Variants in POU6F2 observed in about 807,000 individuals in gnomAD.
POU6F2 encodes the protein POU domain, class 6, transcription factor 2.
In POU6F2, 31 loss-of-function variants were observed where a neutral mutation model predicts 71.3. That is an observed-to-expected ratio of 0.43 (90% CI 0.33 to 0.59). The LOEUF (loss-of-function observed/expected upper bound fraction) is 0.59, where lower values mean the gene tolerates loss of function less well. Ranked by LOEUF, POU6F2 falls within the 20% of genes least tolerant of loss-of-function variation. The pLI is 0.04. For missense variants in POU6F2, 783 were observed against 856.8 expected (o/e 0.91, Z 1.07); for synonymous variants, 347 against 355.7 (o/e 0.98, Z 0.27).
intron 2 of POU6F2, among the ~76,000 whole-genome samples, chr7:39,186,469 C>G (rs965583146): frequency 3.9e-5 from 6 of 152,106 alleles, no homozygotes; most frequent in African/African-American, 1.4e-4. Context: ...CCACCTATAT[C>G]TACATGTGTG....
chr7:39,338,842 CT>C (rs1221971392), intron 4 of POU6F2, among the ~76,000 whole-genome samples: 1 of 150,566 alleles, frequency 6.6e-6, no homozygotes, highest in Admixed American at 6.6e-5. Flanking sequence ...TGCTAAGACA[CT>C]TTCTCCCACC....
intron 1 of POU6F2, among the ~76,000 whole-genome samples, chr7:38,985,144 C>T (rs541709762): frequency 6.6e-6 from 1 of 152,146 alleles, no homozygotes; most frequent in East Asian, 1.9e-4. Flanking sequence ...ATTGGAAGGG[C>T]AGAATGGGCA....
At chr7:39,070,234 T>C (rs542984588) in intron 1 of POU6F2, among the ~76,000 whole-genome samples, 1 of 152,330 alleles carries the variant, frequency 6.6e-6, no homozygotes, top group East Asian at 1.9e-4. Flanking sequence ...GACTTAAATT[T>C]GAATTTTCGT....
At chr7:39,429,997 G>A (rs1014892307) in intron 6 of POU6F2, among the ~76,000 whole-genome samples, 8 of 152,184 alleles carry the variant, frequency 5.3e-5, no homozygotes, top group East Asian at 1.9e-4. Flanking sequence ...CCATTCTTGC[G>A]ACCTCTGTGA....
At chr7:39,136,507 T>G (rs987916998) in intron 2 of POU6F2, among the ~76,000 whole-genome samples, 2 of 152,202 alleles carry the variant, frequency 1.3e-5, no homozygotes, top group Non-Finnish European at 2.9e-5. Flanking sequence ...GTGGGAATGT[T>G]AAAGAACTGA....
chr7:39,098,189 A>AT (rs1219769627), intron 2 of POU6F2, among the ~76,000 whole-genome samples: 2 of 151,758 alleles, frequency 1.3e-5, no homozygotes, highest in African/African-American at 2.4e-5. Context: ...TATATTTTTT[A>AT]TTTTTTTATT....
intron 4 of POU6F2, among the ~76,000 whole-genome samples, chr7:39,338,117 G>T (rs1256818761): frequency 6.6e-6 from 1 of 152,124 alleles, no homozygotes; most frequent in Non-Finnish European, 1.5e-5. Context: ...GGTTAGGTTC[G>T]ATTTGAATCA....
intron 4 of POU6F2, among the ~76,000 whole-genome samples, chr7:39,279,575 G>T (rs964714960): frequency 6.6e-6 from 1 of 152,208 alleles, no homozygotes; most frequent in East Asian, 1.9e-4. Context: ...TGTCAACAGG[G>T]CCACACTCCC....
chr7:39,357,816 G>A (rs1038719665), intron 5 of POU6F2, among the ~76,000 whole-genome samples: 8 of 152,196 alleles, frequency 5.3e-5, no homozygotes, highest in African/African-American at 1.4e-4. Flanking sequence ...AGGGGAAGGG[G>A]CAAAGGGTTT....
intron 4 of POU6F2, among the ~76,000 whole-genome samples, chr7:39,305,667 C>G (rs1292831817): frequency 6.6e-6 from 1 of 152,192 alleles, no homozygotes; most frequent in Non-Finnish European, 1.5e-5. Context: ...AGGCTTTTCC[C>G]CTGCTGTGCA....
intron 4 of POU6F2, among the ~76,000 whole-genome samples, chr7:39,213,664 CATA>C (rs1209058618): frequency 1.4e-4 from 22 of 152,298 alleles, no homozygotes; most frequent in African/African-American, 4.8e-4. Context: ...TCTCATTCGG[CATA>C]ATGTTTTTGA....
chr7:39,109,906 G>T (rs1260200265), intron 2 of POU6F2, among the ~76,000 whole-genome samples: 1 of 152,188 alleles, frequency 6.6e-6, no homozygotes, highest in African/African-American at 2.4e-5. Flanking sequence ...ATGCTGGCTT[G>T]TGAGAGATAA....
intron 4 of POU6F2, among the ~76,000 whole-genome samples, chr7:39,229,238 C>T (rs1344318611): frequency 2.6e-5 from 4 of 152,206 alleles, no homozygotes; most frequent in Admixed American, 6.5e-5. Flanking sequence ...CATTTGTTTG[C>T]GCATCCTCCA....
intron 2 of POU6F2, among the ~76,000 whole-genome samples, chr7:39,196,826 G>A (rs1303091657): frequency 6.6e-6 from 1 of 152,164 alleles, no homozygotes; most frequent in Non-Finnish European, 1.5e-5. Flanking sequence ...GCAGTTTCAA[G>A]TGCAGGGACA....
chr7:39,219,381 C>A (rs1794305305), intron 4 of POU6F2, among the ~76,000 whole-genome samples: 1 of 152,128 alleles, frequency 6.6e-6, no homozygotes, highest in Admixed American at 6.5e-5. Context: ...TAGTTGTAGC[C>A]TTAAAATCTG....
intron 5 of POU6F2, among the ~76,000 whole-genome samples, chr7:39,351,016 G>A (rs980662969): frequency 5.9e-5 from 9 of 152,252 alleles, no homozygotes; most frequent in Non-Finnish European, 1.2e-4. Flanking sequence ...GTTGTTTGAA[G>A]ATACCAATGC....
chr7:39,423,351 G>A (rs1787897286), intron 6 of POU6F2, among the ~76,000 whole-genome samples: 1 of 152,192 alleles, frequency 6.6e-6, no homozygotes, highest in African/African-American at 2.4e-5. Context: ...TAATCCAAAA[G>A]AGAGTGTTTA....
chr7:39,355,957 A>G, intron 5 of POU6F2, among the ~76,000 whole-genome samples: 1 of 152,112 alleles, frequency 6.6e-6, no homozygotes, highest in East Asian at 1.9e-4. Flanking sequence ...TCCCTCAGGA[A>G]GGTGCAAGTC....
chr7:39,176,541 T>C (rs532169952), intron 2 of POU6F2, among the ~76,000 whole-genome samples: 1 of 152,142 alleles, frequency 6.6e-6, no homozygotes, highest in Non-Finnish European at 1.5e-5. Context: ...GGGAGAAGCG[T>C]GTCTTTTCCA....
Sources: gnomAD v4.1 joint callset for allele counts (sites outside exome capture counted in the v4.1 genomes callset) on GRCh38, gnomAD v4.1.1 for gene constraint, MANE v1.5 for transcripts, NCBI Gene and HGNC (gene_info 2026-07-23, HGNC 2026-07-21) for gene names.